The following BMPR1B variants were observed in gnomAD, a reference collection of about 807,000 sequenced individuals.
BMPR1B encodes the protein bone morphogenetic protein receptor type 1B.
Under a neutral mutation model 59.1 loss-of-function variants are expected in BMPR1B, and 12 were observed. The ratio of observed to expected loss-of-function variants is 0.20; its 90% confidence interval spans 0.13 to 0.33. The LOEUF (loss-of-function observed/expected upper bound fraction) is 0.33. Ranked by LOEUF, BMPR1B falls within the 10% of genes least tolerant of loss-of-function variation. The probability of loss-of-function intolerance (pLI) is 1.00; values close to 1 mark genes in which losing one functional copy is unlikely to be tolerated. For missense variants in BMPR1B, 550 were observed against 610.9 expected, an observed-to-expected ratio of 0.90 and a Z score of 1.05; for synonymous variants, 237 against 207.3, an observed-to-expected ratio of 1.14 and a Z score of -1.23.
chr4:95,021,988 A>T (rs1724021467), intron 3 of BMPR1B, among the ~76,000 whole-genome samples: 1 of 152,236 alleles, frequency 6.6e-6, no homozygotes, highest in Non-Finnish European at 1.5e-5. Context: ...ATGAAAAATA[A>T]CTTGTTTAAA....
chr4:94,815,469 A>G (rs757338436), intron 1 of BMPR1B, among the ~76,000 whole-genome samples: 1 of 152,216 alleles, frequency 6.6e-6, no homozygotes, highest in South Asian at 2.1e-4. Context: ...TACTAGGAAA[A>G]GGATATGCTT....
intron 1 of BMPR1B, among the ~76,000 whole-genome samples, chr4:94,777,165 A>G (rs1722402413): frequency 6.6e-6 from 1 of 152,082 alleles, no homozygotes; most frequent in Non-Finnish European, 1.5e-5. Flanking sequence ...GTTGCTTTCC[A>G]GTCATCATTC....
chr4:95,115,397 C>T (rs1379973654), intron 5 of BMPR1B, among the ~76,000 whole-genome samples: 2 of 152,098 alleles, frequency 1.3e-5, no homozygotes, highest in Non-Finnish European at 2.9e-5. Flanking sequence ...CCTCAAAATC[C>T]AATTTAGCTT....
intron 1 of BMPR1B, among the ~76,000 whole-genome samples, chr4:94,760,413 A>T (rs1721712111): frequency 6.6e-6 from 1 of 152,212 alleles, no homozygotes; most frequent in Non-Finnish European, 1.5e-5. Context: ...TGGCCTGATA[A>T]AGTATTTTTA....
chr4:95,094,891 C>T (rs1023840080), intron 3 of BMPR1B, among the ~76,000 whole-genome samples: 1 of 151,890 alleles, frequency 6.6e-6, no homozygotes, highest in Admixed American at 6.6e-5. Context: ...GTGTAGGTAA[C>T]ATCACAGTTA....
chr4:95,086,995 CTTCT>C (rs1320099474), intron 3 of BMPR1B, among the ~76,000 whole-genome samples: 1 of 65,944 alleles, frequency 1.5e-5, no homozygotes, highest in African/African-American at 4.3e-5. Context: ...GTCTCATATC[CTTCT>C]TTTTTTTTTT....
intron 1 of BMPR1B, among the ~76,000 whole-genome samples, chr4:94,845,715 A>G (rs1725297401): frequency 6.6e-6 from 1 of 152,218 alleles, no homozygotes. Context: ...TTTCAGTCAC[A>G]AGCTAAAGTT....
At chr4:94,904,752 T>G (rs1291474174) in intron 2 of BMPR1B, among the ~76,000 whole-genome samples, 1 of 152,028 alleles carries the variant, frequency 6.6e-6, no homozygotes, top group Non-Finnish European at 1.5e-5. Context: ...TGAAAAAGAT[T>G]GGTTTTGAAC....
chr4:94,949,376 G>A (rs1266109071), intron 2 of BMPR1B, among the ~76,000 whole-genome samples: 1 of 98,318 alleles, frequency 1.0e-5, no homozygotes, highest in Non-Finnish European at 2.1e-5. Context: ...GACTGCAGTG[G>A]CGCAATCTCG....
At chr4:94,971,390 G>A (rs557688164) in intron 2 of BMPR1B, among the ~76,000 whole-genome samples, 1 of 151,978 alleles carries the variant, frequency 6.6e-6, no homozygotes, top group Non-Finnish European at 1.5e-5. Context: ...GTCACTTTAA[G>A]GAAAAATAGT....
chr4:94,990,973 C>T (rs908291709), intron 2 of BMPR1B, among the ~76,000 whole-genome samples: 3 of 152,114 alleles, frequency 2.0e-5, no homozygotes, highest in Non-Finnish European at 4.4e-5. Flanking sequence ...TTTGTAATAA[C>T]TGCTTTTTTG....
At chr4:95,105,206 C>T (rs1731114716) in intron 4 of BMPR1B, among the ~76,000 whole-genome samples, 1 of 152,108 alleles carries the variant, frequency 6.6e-6, no homozygotes, top group South Asian at 2.1e-4. Flanking sequence ...ATCACTATAG[C>T]TGCATTTACT....
chr4:94,808,859 AGC>A (rs1723709204), intron 1 of BMPR1B, among the ~76,000 whole-genome samples: 1 of 152,202 alleles, frequency 6.6e-6, no homozygotes, highest in Non-Finnish European at 1.5e-5. Flanking sequence ...GTTTGAGACC[AGC>A]TCGGCCAACA....
At chr4:94,968,704 C>G (rs1306654686) in intron 2 of BMPR1B, among the ~76,000 whole-genome samples, 1 of 152,156 alleles carries the variant, frequency 6.6e-6, no homozygotes, top group Non-Finnish European at 1.5e-5. Context: ...CTCTGTTACT[C>G]TGTAACATAC....
At chr4:94,838,003 T>C (rs1312073581) in intron 1 of BMPR1B, among the ~76,000 whole-genome samples, 1 of 137,672 alleles carries the variant, frequency 7.3e-6, no homozygotes, top group East Asian at 2.0e-4. Flanking sequence ...TTTTTCTGCA[T>C]CTATTGAGAT....
At chr4:95,101,655 T>C (rs1367028691) in intron 3 of BMPR1B, among the ~76,000 whole-genome samples, 1 of 152,178 alleles carries the variant, frequency 6.6e-6, no homozygotes, top group Non-Finnish European at 1.5e-5. Flanking sequence ...CAGAATTTAC[T>C]CTCTAATTAT....
At chr4:95,136,414 G>A (rs1379903044) in intron 10 of BMPR1B, among the ~76,000 whole-genome samples, 4 of 152,164 alleles carry the variant, frequency 2.6e-5, no homozygotes, top group African/African-American at 4.8e-5. Flanking sequence ...TCAGGATGAT[G>A]CTGGCCTCAT....
chr4:94,912,903 AT>A (rs1193134892), intron 2 of BMPR1B, among the ~76,000 whole-genome samples: 1 of 151,940 alleles, frequency 6.6e-6, no homozygotes, highest in African/African-American at 2.4e-5. Flanking sequence ...TAAAACTTGG[AT>A]TCATTCTTTC....
chr4:94,875,264 T>C (rs1726675131), intron 1 of BMPR1B, among the ~76,000 whole-genome samples: 1 of 152,234 alleles, frequency 6.6e-6, no homozygotes, highest in African/African-American at 2.4e-5. Context: ...AGTTAGAACT[T>C]TGAGGTGTTC....
Sources: gnomAD v4.1 joint callset for allele counts (sites outside exome capture counted in the v4.1 genomes callset) on GRCh38, gnomAD v4.1.1 for gene constraint, MANE v1.5 for transcripts, NCBI Gene and HGNC (gene_info 2026-07-23, HGNC 2026-07-21) for gene names.